The following DPCD variants were observed in gnomAD, a reference collection of about 807,000 sequenced individuals.
DPCD encodes protein DPCD.
In DPCD, 20 loss-of-function variants were observed where a neutral mutation model predicts 26.4. That is an observed-to-expected ratio of 0.76 (90% CI 0.53 to 1.10). DPCD has a LOEUF of 1.10. DPCD is among the 50% of genes least tolerant of loss of function. DPCD has a pLI of 0.00. For missense variants in DPCD, 202 were observed against 253.9 expected (o/e 0.80, Z 1.39); for synonymous variants, 97 against 94.2 (o/e 1.03, Z -0.17).
At chr10:101,591,640 A>G (rs556921330) in intron 1 of DPCD, among the ~76,000 whole-genome samples, 2 of 152,306 alleles carry the variant, frequency 1.3e-5, no homozygotes, top group African/African-American at 4.8e-5. Flanking sequence ...GGAAATATGA[A>G]AAATAAAGAA....
intron 4 of DPCD, among the ~76,000 whole-genome samples, chr10:101,601,875 C>T (rs915523719): frequency 5.3e-5 from 8 of 152,142 alleles, no homozygotes; most frequent in Non-Finnish European, 8.8e-5. Context: ...GCTTGGGCCG[C>T]TTGGAAGTCT....
chr10:101,589,034 C>A (rs1440444855), intron 1 of DPCD, among the ~76,000 whole-genome samples: 1 of 152,242 alleles, frequency 6.6e-6, no homozygotes, highest in African/African-American at 2.4e-5. Flanking sequence ...CTTTTCCCCA[C>A]CCTAGGATTG....
In DPCD at chr10:101,594,911, T is replaced by C. The variant is rs142981811; in HGVS notation, c.145+173T>C. On this transcript the variant is annotated intron_variant, in intron 2 of 5. Transcript: ENST00000370151. ...CTGAGCATAATCTGGGCACCAAAAG[T>C]GGAATGCGAGTCCTTTTGACCAGTA... 3.6e-4 allele frequency among the ~76,000 whole-genome samples: 54 copies of C among 152,102 alleles called. 1 individual carries two copies. The East Asian group carries it at 0.01, about 29-fold the overall frequency.
chr10:101,604,547 G>A (rs569643935), intron 4 of DPCD, among the ~76,000 whole-genome samples: 1 of 152,186 alleles, frequency 6.6e-6, no homozygotes, highest in African/African-American at 2.4e-5. Context: ...ATTAGTGAGG[G>A]ATGAATCAGG....
intron 2 of DPCD, 130 bp downstream of exon 2, chr10:101,594,868 C>G (rs2063639248): frequency 5.0e-6 from 4 of 801,698 alleles, no homozygotes; most frequent in Non-Finnish European, 8.1e-6. Context: ...GACGGAAGCC[C>G]TCGAGACAAC....
chr10:101,588,948 T>G (rs1473974457), intron 1 of DPCD, among the ~76,000 whole-genome samples: 1 of 152,262 alleles, frequency 6.6e-6, no homozygotes, highest in Non-Finnish European at 1.5e-5. Flanking sequence ...AAATATTTTC[T>G]GTGTCTTTAG....
chr10:101,589,590 G>A (rs546244211), intron 1 of DPCD, among the ~76,000 whole-genome samples: 3 of 151,952 alleles, frequency 2.0e-5, no homozygotes, highest in Admixed American at 2.0e-4. Context: ...AAAAAATACG[G>A]AAATTATGGC....
intron 4 of DPCD, among the ~76,000 whole-genome samples, chr10:101,604,328 C>T (rs1406941480): frequency 6.6e-6 from 1 of 152,220 alleles, no homozygotes; most frequent in African/African-American, 2.4e-5. Context: ...ATCTGCACTT[C>T]AGAAATGCAC....
chr10:101,604,522 TCCTTGG>T (rs994351148), intron 4 of DPCD, among the ~76,000 whole-genome samples: 16 of 152,196 alleles, frequency 1.1e-4, no homozygotes, highest in African/African-American at 3.6e-4. Context: ...GTGTATCATG[TCCTTGG>T]CCTCACATAT....
Position 101,606,318 on chromosome 10 carries a change from G to A in DPCD, c.405-2517G>A, listed in dbSNP as rs530448471. ...CTAGGACTACAGGTGCTGCTACCAC[G>A]CCTGGCTAAGTTTTGTGCTTTTAGT... On this transcript the variant is annotated intron_variant, in intron 4 of 5. Transcript: ENST00000370151. Among the ~76,000 whole-genome samples, 55 of 152,188 alleles carry A rather than the reference G, an allele frequency of 3.6e-4. No individual in the cohort carries two copies. In the South Asian group the frequency reaches 5.0e-3, roughly 14 times the overall value.
chr10:101,595,932 G>A (rs1211859591), intron 2 of DPCD, among the ~76,000 whole-genome samples: 1 of 152,178 alleles, frequency 6.6e-6, no homozygotes, highest in African/African-American at 2.4e-5. Context: ...ACGTGGACTA[G>A]CCACCACCAT....
At chr10:101,602,291 G>C (rs1156808006) in intron 4 of DPCD, among the ~76,000 whole-genome samples, 4 of 152,192 alleles carry the variant, frequency 2.6e-5, no homozygotes, top group Admixed American at 2.6e-4. Context: ...CATCTCCTCA[G>C]GTGATGTGGT....
chr10:101,601,341 G>A lies in DPCD; in HGVS notation c.404+5G>A. Reference sequence around the variant, plus strand: ...TGTCAGAACAACCAACAAGAAGTGAGTAGCGTGGAAGGCACCCTGTGTGCT... The same window carrying A: ...TGTCAGAACAACCAACAAGAAGTGAATAGCGTGGAAGGCACCCTGTGTGCT... On this transcript the variant is annotated splice_donor_5th_base_variant and intron_variant, in intron 4 of 5. Transcript: ENST00000370151. The A allele has an allele frequency of 6.2e-7, 1 of 1,613,620 alleles. No homozygotes were observed. The highest frequency in any genetic ancestry group is 8.5e-7 in the Non-Finnish European group (1 of 1,179,756).
chr10:101,594,942 C>A (rs535632889), intron 2 of DPCD, among the ~76,000 whole-genome samples: 1 of 152,242 alleles, frequency 6.6e-6, no homozygotes, highest in East Asian at 1.9e-4. Context: ...CAGTAAAATT[C>A]ATCCCCACCC....
At chr10:101,601,452 C>A in intron 4 of DPCD, 116 bp downstream of exon 4, 3 of 654,776 alleles carry the variant, frequency 4.6e-6, no homozygotes, top group Non-Finnish European at 6.5e-6. Flanking sequence ...AGCCCTTCTG[C>A]TTACAGGTAT....
rs1354805753 is a variant in DPCD at position 101,603,214 on chromosome 10, T to C, written c.404+1878T>C. ...CTCATCCCTGCCCTCCTCAGGTCTCTCTGTTGGGAGGTAACCTAGAGGCCG... is the reference window on the plus strand; with the variant it reads ...CTCATCCCTGCCCTCCTCAGGTCTCCCTGTTGGGAGGTAACCTAGAGGCCG... On this transcript the variant is annotated intron_variant, in intron 4 of 5. Coordinates refer to ENST00000370151, the MANE Select transcript of DPCD (RefSeq NM_015448.3). This position sits in a 1 kb window ranked among gnomAD's most constrained non-coding sequence, Gnocchi z 4.6. 1.3e-5 allele frequency among the ~76,000 whole-genome samples: 2 copies of C among 152,194 alleles called. No individual in the cohort carries two copies. The highest frequency in any genetic ancestry group is 6.5e-5 in the Admixed American group (1 of 15,282).
rs2063725785 is a variant in DPCD at position 101,605,215 on chromosome 10, AT to A, written c.405-3619del. The A allele has an allele frequency of 4.5e-6, 7 of 1,549,916 alleles. No homozygotes were observed. In the East Asian group the frequency reaches 1.7e-4, roughly 38 times the overall value. On this transcript the variant is annotated intron_variant, in intron 4 of 5. Coordinates refer to ENST00000370151, the MANE Select transcript of DPCD (RefSeq NM_015448.3). ...GTGTGCATGGCACCCCCTCTGAGGTATGTGAGGCATGACCCAAGTGATTGTC... is the reference window on the plus strand; with the variant it reads ...GTGTGCATGGCACCCCCTCTGAGGTAGTGAGGCATGACCCAAGTGATTGTC...
intron 1 of DPCD, chr10:101,588,611 A>C: frequency 1.4e-6 from 2 of 1,381,180 alleles, no homozygotes; most frequent in Non-Finnish European, 1.9e-6. Context: ...CCTCTACACC[A>C]TCTCGCTCCG....
chr10:101,594,862 G>A (rs1331651246), intron 2 of DPCD, 124 bp downstream of exon 2: 1 of 871,414 alleles, frequency 1.1e-6, no homozygotes, highest in Non-Finnish European at 1.8e-6. Context: ...GGGAGAGACG[G>A]AAGCCCTCGA....
Sources: allele counts gnomAD v4.1 joint callset (sites outside exome capture counted in the v4.1 genomes callset), GRCh38; gene constraint gnomAD v4.1.1; non-coding constraint Gnocchi (gnomAD v3.1); transcripts MANE v1.5; gene names NCBI Gene and HGNC (gene_info 2026-07-23, HGNC 2026-07-21).